LYG1: variants seen among roughly 807,000 people sequenced by gnomAD.
LYG1 encodes the protein lysozyme g-like protein 1.
In LYG1, 17 loss-of-function variants were observed where a neutral mutation model predicts 21.7. The ratio of observed to expected loss-of-function variants is 0.78; its 90% CI spans 0.54 to 1.18. The LOEUF (loss-of-function observed/expected upper bound fraction) is 1.18. LYG1 is among the 50% of genes most tolerant of loss of function. The pLI, the probability that LYG1 is intolerant of heterozygous loss-of-function variation, is 0.00. For missense variants in LYG1, 211 were observed against 238.1 expected, an observed-to-expected ratio of 0.89 and a Z score of 0.75; for synonymous variants, 81 against 87.4, an observed-to-expected ratio of 0.93 and a Z score of 0.41.
chr2:99,284,912 C>T (rs2094093963), intron 5 of LYG1, 92 bp from the exon 6 acceptor site: 1 of 1,493,944 alleles, frequency 6.7e-7, no homozygotes, highest in Admixed American at 2.0e-5. Flanking sequence ...CATTTCCTGT[C>T]TCTTGTTCTC....
chr2:99,302,908 C>T (rs987196637), upstream of LYG1, among the ~76,000 whole-genome samples: 1 of 151,830 alleles, frequency 6.6e-6, no homozygotes, highest in Non-Finnish European at 1.5e-5. Context: ...ATCCCAGCTA[C>T]TCGGGAGGCT....
At chr2:99,291,024 T>C (rs2094116572) in intron 5 of LYG1, among the ~76,000 whole-genome samples, 1 of 152,222 alleles carries the variant, frequency 6.6e-6, no homozygotes, top group Admixed American at 6.5e-5. Context: ...GATGATATTC[T>C]GGAAACACGG....
At chr2:99,297,070 T>C (rs2094138901) in intron 2 of LYG1, among the ~76,000 whole-genome samples, 1 of 152,208 alleles carries the variant, frequency 6.6e-6, no homozygotes, top group African/African-American at 2.4e-5. Context: ...TGAGGGGGCA[T>C]ATGCCCTTCA....
intron 5 of LYG1, among the ~76,000 whole-genome samples, chr2:99,289,242 T>C (rs1258065650): frequency 1.3e-5 from 2 of 151,930 alleles, no homozygotes; most frequent in Admixed American, 6.6e-5. Flanking sequence ...GGCAGACCAC[T>C]TGAGTCCAGG....
At chr2:99,300,965 A>G (rs1161682215) in intron 1 of LYG1, 85 bp downstream of exon 1, 3 of 126,076 alleles carry the variant, frequency 2.4e-5, no homozygotes, top group Non-Finnish European at 4.9e-5. Flanking sequence ...GCAGAGACAC[A>G]ATCATTGCCA....
chr2:99,291,362 G>A lies in LYG1; in HGVS notation c.208C>T (p.Pro70Ser), dbSNP rs753119037. 2.2e-5 allele frequency: 35 copies of A among 1,614,056 alleles called. No homozygotes were observed. Among genetic ancestry groups the A allele is most frequent in the Non-Finnish European group, 3.0e-5 (35 of 1,180,038 alleles). Reference sequence around the variant, plus strand: ...TTTTGGCCAATGGTTTGCATCATGGGTTGATATTTCAGGAGGTATGGCATG... The same window carrying A: ...TTTTGGCCAATGGTTTGCATCATGGATTGATATTTCAGGAGGTATGGCATG... ...IDMPYLLKYQ[P>S]MMQTIGQKYC... The change falls in exon 5 of 7, where the codon CCC becomes TCC. Residue 70 changes from proline to serine, a missense_variant. Pro to Ser is a moderately conservative substitution (Grantham distance 74, BLOSUM62 -1). Coordinates refer to ENST00000308528, the MANE Select transcript of LYG1 (RefSeq NM_174898.3).
intron 3 of LYG1, among the ~76,000 whole-genome samples, chr2:99,292,985 C>CTTTTTTTTTTTTTTTTTTTTTTTTTTT (rs70940159): frequency 2.4e-5 from 2 of 83,164 alleles, no homozygotes; most frequent in African/African-American, 4.9e-5. Flanking sequence ...CCTCATCTTA[C>CTTTTTTTTTTTTTTTTTTTTTTTTTTT]TTTTTTTTTT....
chr2:99,295,724 T>G, intron 2 of LYG1, 22 bp from the exon 3 acceptor site: 1 of 1,607,288 alleles, frequency 6.2e-7, no homozygotes, highest in African/African-American at 1.3e-5. Context: ...AAAATTAGCT[T>G]GAGAATACAA....
Position 99,284,797 on chromosome 2 carries a change from T to C in LYG1, c.357A>G (p.Thr119=). Residue 119 remains threonine, a synonymous_variant, in exon 6 of 7, where the codon ACA becomes ACG. Coordinates refer to ENST00000308528, the MANE Select transcript of LYG1 (RefSeq NM_174898.3). ...MVQDPGSQAP[T]SWISESQVSQ... Reference sequence around the variant, plus strand: ...AAACCTGAGACTCACTAATCCAGGATGTGGGAGCTTGAGAGCCAGGGTCCT... The same window carrying C: ...AAACCTGAGACTCACTAATCCAGGACGTGGGAGCTTGAGAGCCAGGGTCCT... The C allele has an allele frequency of 2.5e-6, 4 of 1,613,148 alleles. No individual in the cohort carries two copies. The highest frequency in any genetic ancestry group is 3.4e-6 in the Non-Finnish European group (4 of 1,179,910).
At chr2:99,286,553 A>T (rs2094100258) in intron 5 of LYG1, among the ~76,000 whole-genome samples, 1 of 152,088 alleles carries the variant, frequency 6.6e-6, no homozygotes, top group African/African-American at 2.4e-5. Flanking sequence ...AAAATACAAA[A>T]ATTAGCCAGG....
At chr2:99,285,752 C>T (rs534005187) in intron 5 of LYG1, among the ~76,000 whole-genome samples, 7 of 152,330 alleles carry the variant, frequency 4.6e-5, no homozygotes, top group South Asian at 4.1e-4. Flanking sequence ...TAAACTTCTT[C>T]GCCTACTTTT....
chr2:99,291,125 T>C, intron 5 of LYG1, 112 bp downstream of exon 5: 1 of 1,009,586 alleles, frequency 9.9e-7, no homozygotes. Context: ...CTGTCACAGC[T>C]CTAGAGACCT....
intron 2 of LYG1, 66 bp from the exon 3 acceptor site, chr2:99,295,768 T>C: frequency 6.9e-7 from 1 of 1,459,136 alleles, no homozygotes. Flanking sequence ...ACATGTAATA[T>C]TTCCACAGAA....
intron 1 of LYG1, among the ~76,000 whole-genome samples, chr2:99,299,805 C>A (rs938659731): frequency 2.0e-5 from 3 of 148,028 alleles, no homozygotes; most frequent in African/African-American, 7.4e-5. Context: ...TTATTTTATT[C>A]CATTTTTAAA....
chr2:99,290,999 G>A (rs182841354), intron 5 of LYG1, among the ~76,000 whole-genome samples: 1 of 152,260 alleles, frequency 6.6e-6, no homozygotes, highest in Admixed American at 6.5e-5. Flanking sequence ...CAGAAATCCA[G>A]AATAGGGTGG....
chr2:99,302,898 A>C (rs1313463831), upstream of LYG1, among the ~76,000 whole-genome samples: 1 of 152,024 alleles, frequency 6.6e-6, no homozygotes, highest in Non-Finnish European at 1.5e-5. Context: ...CACACCAGTA[A>C]TCCCAGCTAC....
intron 1 of LYG1, among the ~76,000 whole-genome samples, chr2:99,299,969 C>T (rs1397447596): frequency 3.3e-5 from 5 of 151,922 alleles, no homozygotes; most frequent in Admixed American, 2.0e-4. Flanking sequence ...TACAGCAACA[C>T]TCCAGCCCAT....
chr2:99,301,496 A>AAAAG (rs1553526294), upstream of LYG1, among the ~76,000 whole-genome samples: 1 of 92,286 alleles, frequency 1.1e-5, no homozygotes, highest in Non-Finnish European at 2.3e-5. Context: ...AAGAAAAGGA[A>AAAAG]GAAGGAAGGA....
chr2:99,291,382 G>T lies in LYG1; in HGVS notation c.188C>A (p.Pro63Gln), dbSNP rs2094117807. ...CATGGGTTGATATTTCAGGAGGTAT[G>T]GCATGTCTATTTCAGCCAGCCTTTC... is the stretch of plus-strand genomic sequence containing the variant. ...ASERLAEIDM[P>Q]YLLKYQPMMQ... is the part of the protein sequence containing the mutation. The change falls in exon 5 of 7, where the codon CCA (proline) becomes CAA (glutamine). Residue 63 changes from proline (P) to glutamine (Q), a missense_variant. Coordinates refer to ENST00000308528, the MANE Select transcript of LYG1 (RefSeq NM_174898.3). The T allele has an allele frequency of 6.2e-7, 1 of 1,614,126 alleles. No homozygotes were observed.
Sources: allele counts gnomAD v4.1 joint callset (sites outside exome capture counted in the v4.1 genomes callset), GRCh38; gene constraint gnomAD v4.1.1; transcripts MANE v1.5; gene names NCBI Gene and HGNC (gene_info 2026-07-23, HGNC 2026-07-21).